MAP9: variants seen among roughly 807,000 people sequenced by gnomAD.
MAP9 encodes the protein microtubule associated protein 9.
A neutral mutation model predicts 75.2 loss-of-function variants in MAP9; 80 were observed. The observed-to-expected ratio is 1.06, with a 90% CI of 0.89 to 1.28. The LOEUF (loss-of-function observed/expected upper bound fraction) is 1.28, where lower values mean the gene tolerates loss of function less well. Among genes scored for constraint, MAP9 ranks in the 50% most tolerant of loss-of-function variants. The pLI is 0.00. For missense variants in MAP9, 753 were observed against 719.9 expected (o/e 1.05, Z -0.53); for synonymous variants, 235 against 237.3 (o/e 0.99, Z 0.09).
chr4:155,355,961 G>T, intron 8 of MAP9, 77 bp from the exon 9 acceptor site: 1 of 1,300,820 alleles, frequency 7.7e-7, no homozygotes, highest in Non-Finnish European at 1.1e-6. Flanking sequence ...GAATATGCAC[G>T]TATAATATTT....
rs547001413 is a variant in MAP9, at chr4:155,359,510, T to A, written c.1050+658A>T. 5.3e-5 allele frequency among the ~76,000 whole-genome samples: 8 copies of A among 152,140 alleles called. No individual in the cohort carries two copies. In the East Asian group the frequency reaches 1.5e-3, roughly 29 times the overall value. ...TGTACATTTTAGTTTATACTAAAAG[T>A]CTGACTTTACCACTACACAATATAT... is the stretch of plus-strand genomic sequence containing the variant. On this transcript the variant is annotated intron_variant, in intron 7 of 13. Transcript: ENST00000311277.
rs761670684 is a variant in MAP9 at position 155,355,818 on chromosome 4, A to C, written c.1188T>G (p.Ser396=). Residue 396 remains serine, a synonymous_variant, in exon 9 of 14, where the codon TCT becomes TCG. Coordinates refer to ENST00000311277, the MANE Select transcript of MAP9 (RefSeq NM_001039580.2). ...CTTTTAAAGTCCCTAAATAGTGAGA[A>C]GAGGTAGTTGTCGATGGAGTTCTCC... ...SKRRTPSTTT[S]SHYLGTLKVL... The C allele has an allele frequency of 6.2e-6, 10 of 1,613,722 alleles. No individual in the cohort carries two copies. Among genetic ancestry groups the C allele is most frequent in the Non-Finnish European group, 8.5e-6 (10 of 1,179,834 alleles).
chr4:155,348,547 G>A (rs960362612), intron 13 of MAP9, among the ~76,000 whole-genome samples: 3 of 152,088 alleles, frequency 2.0e-5, no homozygotes, highest in Admixed American at 6.6e-5. Context: ...ATTCTCAGAA[G>A]TAAGTTTACT....
chr4:155,357,972 A>C (rs1197708959), intron 7 of MAP9, among the ~76,000 whole-genome samples: 2 of 152,142 alleles, frequency 1.3e-5, no homozygotes, highest in Non-Finnish European at 2.9e-5. Context: ...AAGCATAGTG[A>C]ATGGCAGGGA....
At chr4:155,359,797 AAAC>A (rs1478659657) in intron 7 of MAP9, among the ~76,000 whole-genome samples, 2 of 152,230 alleles carry the variant, frequency 1.3e-5, no homozygotes, top group South Asian at 4.1e-4. Context: ...ACACGTTTTA[AAAC>A]AATATCCAAA....
chr4:155,373,033 T>A (rs749987552), intron 4 of MAP9, 103 bp downstream of exon 4: 8 of 733,476 alleles, frequency 1.1e-5, no homozygotes, highest in African/African-American at 1.8e-5. Flanking sequence ...TAAGTCTGTC[T>A]TTTTTTCTTA....
chr4:155,375,001 A>C lies in MAP9; in HGVS notation c.96T>G (p.Ile32Met). ...TTFQDELIRAITARSARQRSS... is the reference protein window; with the variant it reads ...TTFQDELIRAMTARSARQRSS... ...TCCTTTGTCTGGCTGAGCGAGCTGT[A>C]ATTGCTCTTATTAGCTCATCCTGAA... Residue 32 changes from isoleucine (I) to methionine (M), a missense_variant, in exon 3 of 14, where the codon ATT becomes ATG. By Grantham distance (10) the Ile-to-Met change is conservative. Coordinates refer to ENST00000311277, the MANE Select transcript of MAP9 (RefSeq NM_001039580.2). 1.3e-6 allele frequency: 2 copies of C among 1,583,998 alleles called. No individual in the cohort carries two copies. The highest frequency in any genetic ancestry group is 1.7e-6 in the Non-Finnish European group (2 of 1,157,990).
In MAP9 at chr4:155,344,631, T is replaced by A. The variant is rs1313773625; in HGVS notation, c.*3152A>T. ...TAAACAATAAATGGACTAACACTTTTGAAGTATGAAGCAAATACAAACCAC... is the reference window on the plus strand; with the variant it reads ...TAAACAATAAATGGACTAACACTTTAGAAGTATGAAGCAAATACAAACCAC... On this transcript the variant is annotated 3_prime_UTR_variant, in exon 14 of 14. Transcript: ENST00000311277. 6.6e-6 allele frequency: 1 copy of A among 151,972 alleles called. No individual in the cohort carries two copies. The highest frequency in any genetic ancestry group is 1.5e-5 in the Non-Finnish European group (1 of 67,862). 9.4% of individuals were successfully genotyped at this position (151,972 alleles called of 1,614,324 possible).
In MAP9 at chr4:155,345,493, C is replaced by T. The variant is rs1205942073; in HGVS notation, c.*2290G>A. 2 of 151,750 alleles carry T rather than the reference C, an allele frequency of 1.3e-5. No homozygotes were observed. Among genetic ancestry groups the T allele is most frequent in the East Asian group, 3.9e-4 (2 of 5,170 alleles). 9.4% of individuals were successfully genotyped at this position (151,750 alleles called of 1,614,324 possible). On this transcript the variant is annotated 3_prime_UTR_variant, in exon 14 of 14. Transcript: ENST00000311277. ...TTTTGAGTGTTACAGCCTGGACTGGCCAGCAAGACAGAAATTTCTTCTTCC... is the reference window on the plus strand; with the variant it reads ...TTTTGAGTGTTACAGCCTGGACTGGTCAGCAAGACAGAAATTTCTTCTTCC...
chr4:155,347,656 T>C lies in MAP9; in HGVS notation c.*127A>G. 2.2e-6 allele frequency: 2 copies of C among 901,918 alleles called. No individual in the cohort carries two copies. Among genetic ancestry groups the C allele is most frequent in the Admixed American group, 3.5e-5 (1 of 28,482 alleles). 55.9% of individuals were successfully genotyped at this position (901,918 alleles called of 1,614,324 possible). A position where few individuals can be genotyped will look rare whatever the true frequency, so the allele number is the denominator to read the frequency against. On this transcript the variant is annotated 3_prime_UTR_variant, in exon 14 of 14. Transcript: ENST00000311277. ...TTACATTCCAAAGTATTTCTTTCAT[T>C]GTCAGCAGGAGTGTCTGGCATTTAA... is the stretch of plus-strand genomic sequence containing the variant.
Position 155,345,049 on chromosome 4 carries a change from T to G in MAP9, c.*2734A>C, listed in dbSNP as rs1051185736. 1 of 151,986 alleles carries G rather than the reference T, an allele frequency of 6.6e-6. No homozygotes were observed. Among genetic ancestry groups the G allele is most frequent in the Non-Finnish European group, 1.5e-5 (1 of 67,918 alleles). 9.4% of individuals were successfully genotyped at this position (151,986 alleles called of 1,614,324 possible). On this transcript the variant is annotated 3_prime_UTR_variant, in exon 14 of 14. Transcript: ENST00000311277. ...TTAATGTAAACCTAATGAGTAAATA[T>G]CTATATTGACATGACATACTTCCTA...
intron 10 of MAP9, among the ~76,000 whole-genome samples, chr4:155,353,668 T>A (rs530279723): frequency 6.6e-6 from 1 of 152,032 alleles, no homozygotes; most frequent in Non-Finnish European, 1.5e-5. Context: ...ATAGGCTAAG[T>A]GGTATAGTAA....
At position 155,346,687 on chromosome 4, in the gene MAP9, T is replaced by C. The variant is rs1731298735; in HGVS notation, c.*1096A>G. 6.6e-6 allele frequency: 1 copy of C among 152,566 alleles called. No homozygotes were observed. Among genetic ancestry groups the C allele is most frequent in the East Asian group, 1.9e-4 (1 of 5,188 alleles). The allele number at this position is 152,566 out of a possible 1,614,324, so 9.5% of individuals were successfully genotyped here. On this transcript the variant is annotated 3_prime_UTR_variant, in exon 14 of 14. Coordinates refer to ENST00000311277, the MANE Select transcript of MAP9 (RefSeq NM_001039580.2). ...TAAAGGTCCAGTAGAGATTATATAT[T>C]AGATGCTCAATAAATAGGAACTATA...
intron 4 of MAP9, among the ~76,000 whole-genome samples, chr4:155,370,504 T>A (rs1392518095): frequency 6.6e-6 from 1 of 152,174 alleles, no homozygotes; most frequent in Admixed American, 6.5e-5. Context: ...CTCCAATCCC[T>A]CCTGCTACCA....
intron 5 of MAP9, chr4:155,362,427 C>T: frequency 3.9e-6 from 1 of 259,152 alleles, no homozygotes. Context: ...TTCAAAACTC[C>T]TATTACTTAA....
chr4:155,375,283 T>C (rs1169005999), intron 2 of MAP9, among the ~76,000 whole-genome samples: 1 of 152,176 alleles, frequency 6.6e-6, no homozygotes, highest in Non-Finnish European at 1.5e-5. Flanking sequence ...AACAAATTAA[T>C]TGCAGGTTAT....
intron 13 of MAP9, chr4:155,349,679 A>C (rs993022977): frequency 6.6e-6 from 1 of 152,208 alleles, no homozygotes. Context: ...TTCCTTTCAG[A>C]ATTTTAATTG....
rs745771923 is a variant in MAP9 at position 155,373,180 on chromosome 4, ATTTTT to A, written c.432_436del (p.Lys145GlufsTer3). ...TGAAAGAATTCTGGGTTTAGGTTTC[ATTTTT>A]ATTTTGTCTTTTTCAAATTCCTCAT... On this transcript the variant is annotated frameshift_variant, in exon 4 of 14. Transcript: ENST00000311277. LOFTEE classifies it high-confidence loss of function. 1 of 1,594,442 alleles carries A rather than the reference ATTTTT, an allele frequency of 6.3e-7. No homozygotes were observed. The highest frequency in any genetic ancestry group is 1.3e-5 in the African/African-American group (1 of 74,116).
At chr4:155,353,468 A>AG in intron 10 of MAP9, 128 bp from the exon 11 acceptor site, 7 of 790,348 alleles carry the variant, frequency 8.9e-6, no homozygotes, top group Non-Finnish European at 1.2e-5. Context: ...ATACTTAGAA[A>AG]TTAACTTTCA....
Sources: allele counts gnomAD v4.1 joint callset (sites outside exome capture counted in the v4.1 genomes callset), GRCh38; gene constraint gnomAD v4.1.1; transcripts MANE v1.5; gene names NCBI Gene and HGNC (gene_info 2026-07-23, HGNC 2026-07-21).